The following ESR1 variants were observed in gnomAD, a reference collection of about 807,000 sequenced individuals.
ESR1 encodes the protein estrogen receptor.
ESR1 carries 12 observed loss-of-function variants against 52.7 expected under a neutral mutation model. That is an observed-to-expected ratio of 0.23 (90% CI 0.15 to 0.37). ESR1 has a LOEUF of 0.37. Ranked by LOEUF, ESR1 falls within the 10% of genes least tolerant of loss-of-function variation. ESR1 has a pLI of 1.00. For missense variants in ESR1, 584 were observed against 779.7 expected, an observed-to-expected ratio of 0.75 and a Z score of 2.99; for synonymous variants, 305 against 316.8, an observed-to-expected ratio of 0.96 and a Z score of 0.39.
At chr6:151,667,424 C>G (rs1432094783) in intron 1 of ESR1, among the ~76,000 whole-genome samples, 3 of 152,148 alleles carry the variant, frequency 2.0e-5, no homozygotes, top group Non-Finnish European at 2.9e-5. Context: ...CTGGGCAAAT[C>G]ATTTTGACTT....
chr6:151,785,184 A>G (rs1200401684), intron 2 of ESR1, among the ~76,000 whole-genome samples: 1 of 152,202 alleles, frequency 6.6e-6, no homozygotes. Flanking sequence ...CATCACAGTG[A>G]CCAAGACAGA....
At chr6:151,710,456 C>A (rs546611860) in intron 2 of ESR1, among the ~76,000 whole-genome samples, 1 of 152,216 alleles carries the variant, frequency 6.6e-6, no homozygotes, top group African/African-American at 2.4e-5. Context: ...CAAACATCAG[C>A]AACGTAGCTC....
intron 3 of ESR1, among the ~76,000 whole-genome samples, chr6:151,917,570 A>C (rs533883496): frequency 6.6e-6 from 1 of 152,186 alleles, no homozygotes; most frequent in Non-Finnish European, 1.5e-5. Context: ...ACACATGTGG[A>C]TGCTACTTGC....
chr6:151,849,981 TATATATATA>T (rs1786019237), intron 2 of ESR1, among the ~76,000 whole-genome samples: 1 of 6,408 alleles, frequency 1.6e-4, no homozygotes, highest in African/African-American at 3.5e-4. Flanking sequence ...TAGGGAATTA[TATATATATA>T]TATATATATA....
At chr6:151,788,413 C>T (rs111687673) in intron 2 of ESR1, among the ~76,000 whole-genome samples, 20,025 of 152,140 alleles carry the variant, frequency 0.13, 1,808 homozygotes, top group East Asian at 0.3. Flanking sequence ...TACCATCTCA[C>T]ACCAATCAGA....
chr6:151,771,170 G>A (rs1228290625), intron 2 of ESR1, among the ~76,000 whole-genome samples: 1 of 152,310 alleles, frequency 6.6e-6, no homozygotes, highest in East Asian at 1.9e-4. Flanking sequence ...TTATTATGGA[G>A]GCAGAGCTGT....
chr6:151,819,147 G>A (rs535072970), intron 1 of ESR1, among the ~76,000 whole-genome samples: 28 of 152,286 alleles, frequency 1.8e-4, no homozygotes, highest in Non-Finnish European at 3.4e-4. Flanking sequence ...TCAAGGTTCA[G>A]CTCAAATGCT....
intron 2 of ESR1, among the ~76,000 whole-genome samples, chr6:151,868,974 G>C (rs1351340987): frequency 6.6e-6 from 1 of 152,134 alleles, no homozygotes; most frequent in East Asian, 1.9e-4. Flanking sequence ...CCCCACACCA[G>C]AGCTTAGTGA....
intron 3 of ESR1, among the ~76,000 whole-genome samples, chr6:151,884,473 T>C (rs1412925564): frequency 2.0e-5 from 3 of 152,214 alleles, no homozygotes; most frequent in South Asian, 4.1e-4. Flanking sequence ...AACTAGGATA[T>C]TGAAACTCTA....
intron 4 of ESR1, among the ~76,000 whole-genome samples, chr6:151,986,811 A>G (rs1376870299): frequency 6.6e-6 from 1 of 152,138 alleles, no homozygotes; most frequent in African/African-American, 2.4e-5. Flanking sequence ...TATGAAAGTT[A>G]AAGAATATGA....
At position 152,102,388 on chromosome 6, in the gene ESR1, T is replaced by C. The variant is rs547532600; in HGVS notation, c.*3422T>C. 4.8e-6 allele frequency: 1 copy of C among 207,206 alleles called. No homozygotes were observed. Among genetic ancestry groups the C allele is most frequent in the African/African-American group, 2.3e-5 (1 of 44,034 alleles). The allele number at this position is 207,206 out of a possible 1,614,324, so 12.8% of individuals were successfully genotyped here. On this transcript the variant is annotated 3_prime_UTR_variant, in exon 8 of 8. Coordinates refer to ENST00000206249, the MANE Select transcript of ESR1 (RefSeq NM_000125.4). ...GTACTGGGAGTGATCACTAACACCA[T>C]AGTAATGTCTAATATTCACAGGCAG... is the stretch of plus-strand genomic sequence containing the variant.
chr6:151,949,251 G>A (rs116216611), intron 4 of ESR1, among the ~76,000 whole-genome samples: 167 of 152,366 alleles, frequency 1.1e-3, no homozygotes, highest in African/African-American at 3.8e-3. Flanking sequence ...GTTTCACTTA[G>A]CGAATGAAAT....
chr6:152,042,443 G>A (rs1233879040), intron 5 of ESR1, among the ~76,000 whole-genome samples: 2 of 152,326 alleles, frequency 1.3e-5, no homozygotes, highest in South Asian at 2.1e-4. Flanking sequence ...GTGTCCAGTT[G>A]TCCCTGAAAT....
In ESR1 at chr6:151,859,449, G is replaced by C. The variant is rs1236927730; in HGVS notation, c.643+16662G>C. On this transcript the variant is annotated intron_variant, in intron 2 of 7. Transcript: ENST00000206249. ...TGGGTAGAGGTGGGGGTAAAAGAGA[G>C]GAATGGATTTCAATGGAAGGTTTAC... Among the ~76,000 whole-genome samples the C allele has an allele frequency of 2.7e-5, 4 of 147,970 alleles. No homozygotes were observed. In the East Asian group the frequency reaches 7.9e-4, roughly 29 times the overall value.
chr6:152,060,918 T>C lies in ESR1; in HGVS notation c.1236-73T>C, dbSNP rs9479187. 9.5e-5 allele frequency: 123 copies of C among 1,289,144 alleles called. No homozygotes were observed. The African/African-American group carries it at 1.5e-3, about 16-fold the overall frequency. 79.9% of individuals were successfully genotyped at this position (1,289,144 alleles called of 1,614,324 possible). On this transcript the variant is annotated intron_variant, in intron 5 of 7. Transcript: ENST00000206249. ...GTGGATTTTTATGAATGTGAACCCT[T>C]TCATGTCTTGTGGAAGATTTTCTGT...
At chr6:151,777,151 C>T (rs1786084450) in intron 2 of ESR1, among the ~76,000 whole-genome samples, 1 of 147,858 alleles carries the variant, frequency 6.8e-6, no homozygotes, top group Non-Finnish European at 1.5e-5. Flanking sequence ...GAGTCTTGCT[C>T]TTGTCGCCCA....
intron 6 of ESR1, among the ~76,000 whole-genome samples, chr6:152,111,449 C>T (rs1226692205): frequency 2.6e-5 from 4 of 152,174 alleles, no homozygotes; most frequent in South Asian, 4.1e-4. Flanking sequence ...AGATTCAGTG[C>T]GCTGCTAGGC....
At chr6:151,771,227 A>G (rs992630010) in intron 2 of ESR1, among the ~76,000 whole-genome samples, 4 of 152,176 alleles carry the variant, frequency 2.6e-5, no homozygotes, top group African/African-American at 9.7e-5. Flanking sequence ...TTTATTGCTC[A>G]AGAGCTATAG....
intron 6 of ESR1, among the ~76,000 whole-genome samples, chr6:152,114,016 T>C (rs1260499304): frequency 6.6e-6 from 1 of 152,190 alleles, no homozygotes; most frequent in East Asian, 1.9e-4. Context: ...GTCCAGATCA[T>C]TAGCTACTCT....
Sources: gnomAD v4.1 joint callset for allele counts (sites outside exome capture counted in the v4.1 genomes callset) on GRCh38, gnomAD v4.1.1 for gene constraint, MANE v1.5 for transcripts, NCBI Gene and HGNC (gene_info 2026-07-23, HGNC 2026-07-21) for gene names.